Variants in KALRN observed in about 807,000 individuals in gnomAD.
KALRN encodes the protein kalirin RhoGEF kinase, also known as kalirin.
KALRN carries 70 observed loss-of-function variants against 353.7 expected under a neutral mutation model. The observed-to-expected ratio is 0.20, with a 90% CI of 0.16 to 0.24. The LOEUF (loss-of-function observed/expected upper bound fraction) is 0.24. Among genes scored for constraint, KALRN ranks in the 10% least tolerant of loss-of-function variants. KALRN has a pLI of 1.00. For missense variants in KALRN, 2,791 were observed against 3,756.7 expected (o/e 0.74, Z 6.72); for synonymous variants, 1,391 against 1,434.8 (o/e 0.97, Z 0.69).
chr3:124,564,231 A>G (rs1297199586), intron 34 of KALRN, among the ~76,000 whole-genome samples: 2 of 134,432 alleles, frequency 1.5e-5, no homozygotes, highest in East Asian at 4.4e-4. Context: ...AAAAAAAAAA[A>G]TTAGCTGGGC....
chr3:124,682,528 C>T (rs2150493859), intron 51 of KALRN, among the ~76,000 whole-genome samples: 1 of 152,324 alleles, frequency 6.6e-6, no homozygotes, highest in African/African-American at 2.4e-5. Context: ...CCAGCCCTAG[C>T]TGTGCATAGG....
chr3:124,591,351 C>T (rs759459823), intron 34 of KALRN, among the ~76,000 whole-genome samples: 14 of 152,230 alleles, frequency 9.2e-5, no homozygotes, highest in African/African-American at 2.9e-4. Context: ...TTGCCCAAGC[C>T]GGTCTTGAAC....
At chr3:124,678,414 TC>T in intron 50 of KALRN, 101 bp downstream of exon 50, 2 of 1,242,310 alleles carry the variant, frequency 1.6e-6, no homozygotes, top group South Asian at 1.4e-5. Flanking sequence ...TTTTTTTTTT[TC>T]CCAGTATGGG....
At chr3:124,210,802 A>T (rs1186986896) in intron 1 of KALRN, among the ~76,000 whole-genome samples, 1 of 152,194 alleles carries the variant, frequency 6.6e-6, no homozygotes, top group Admixed American at 6.5e-5. Flanking sequence ...ATAGATTTTG[A>T]TGGAAAGATT....
intron 10 of KALRN, among the ~76,000 whole-genome samples, chr3:124,350,747 G>A (rs2082750802): frequency 6.6e-6 from 1 of 152,166 alleles, no homozygotes; most frequent in Admixed American, 6.5e-5. Context: ...TGATAAGACT[G>A]TATTTTTTTT....
chr3:124,494,917 T>A (rs2063542955), intron 32 of KALRN, among the ~76,000 whole-genome samples: 1 of 152,182 alleles, frequency 6.6e-6, no homozygotes, highest in South Asian at 2.1e-4. Flanking sequence ...AAAAGCCCCC[T>A]GGGGAAAAGC....
intron 6 of KALRN, among the ~76,000 whole-genome samples, chr3:124,304,495 A>G (rs915815602): frequency 4.6e-5 from 7 of 152,228 alleles, no homozygotes; most frequent in African/African-American, 1.7e-4. Flanking sequence ...ATCACTTTCT[A>G]AAAGAAAACA....
chr3:124,395,401 C>T, intron 12 of KALRN, 58 bp downstream of exon 12: 1 of 1,432,626 alleles, frequency 7.0e-7, no homozygotes, highest in Non-Finnish European at 9.6e-7. Context: ...TGAGATAAGT[C>T]CTGTCCCAGT....
intron 10 of KALRN, among the ~76,000 whole-genome samples, chr3:124,355,669 C>A (rs1316486693): frequency 6.8e-6 from 1 of 146,412 alleles, no homozygotes; most frequent in African/African-American, 2.5e-5. Flanking sequence ...TACAGGCAAC[C>A]TTTTTTCCTT....
chr3:124,306,143 T>A (rs1213971877), intron 6 of KALRN, among the ~76,000 whole-genome samples: 1 of 152,018 alleles, frequency 6.6e-6, no homozygotes, highest in Non-Finnish European at 1.5e-5. Context: ...GGGACAATCA[T>A]GGCTCACTGC....
intron 28 of KALRN, 30 bp downstream of exon 28, chr3:124,482,930 C>CACTGCCT: frequency 7.0e-7 from 1 of 1,433,662 alleles, no homozygotes; most frequent in Non-Finnish European, 9.9e-7. Flanking sequence ...CATCCCCCTC[C>CACTGCCT]ACTGCCTACT....
intron 34 of KALRN, among the ~76,000 whole-genome samples, chr3:124,599,564 G>T (rs2076601919): frequency 1.3e-5 from 2 of 152,140 alleles, no homozygotes; most frequent in Non-Finnish European, 2.9e-5. Context: ...TGTTATTCAG[G>T]GTGTGCTGGC....
intron 1 of KALRN, among the ~76,000 whole-genome samples, chr3:124,101,141 C>A (rs1273697104): frequency 6.6e-6 from 1 of 152,204 alleles, no homozygotes; most frequent in Non-Finnish European, 1.5e-5. Context: ...TTTTCAATGA[C>A]TTTCTAGATA....
In KALRN at chr3:124,545,308, G is replaced by A. The variant is rs76170203; in HGVS notation, c.4936-17535G>A. Among the ~76,000 whole-genome samples the A allele has an allele frequency of 5.3e-3, 813 of 152,204 alleles. 6 individuals carry two copies. Among genetic ancestry groups the A allele is most frequent in the Middle Eastern group, 6.8e-3 (2 of 294 alleles). ...CTTATGTTCTTCCTCCTTTGCTGGCGAGCCTGAGGTCAACATTAGACCCTG... is the reference window on the plus strand; with the variant it reads ...CTTATGTTCTTCCTCCTTTGCTGGCAAGCCTGAGGTCAACATTAGACCCTG... On this transcript the variant is annotated intron_variant, in intron 33 of 59. Coordinates refer to ENST00000682506, the MANE Select transcript of KALRN (RefSeq NM_001388419.1).
chr3:124,602,035 AAAAAAAAG>A (rs1163404499), intron 34 of KALRN, among the ~76,000 whole-genome samples: 1 of 152,062 alleles, frequency 6.6e-6, no homozygotes, highest in African/African-American at 2.4e-5. Flanking sequence ...CAAAAAAAAA[AAAAAAAAG>A]AAAAGAAAAA....
intron 34 of KALRN, among the ~76,000 whole-genome samples, chr3:124,591,639 G>A (rs2075782912): frequency 6.6e-6 from 1 of 152,206 alleles, no homozygotes; most frequent in South Asian, 2.1e-4. Context: ...TTAAGACAAT[G>A]TAAGTAAAGG....
intron 1 of KALRN, among the ~76,000 whole-genome samples, chr3:124,088,918 A>C (rs1022885598): frequency 6.6e-5 from 10 of 152,194 alleles, no homozygotes; most frequent in African/African-American, 1.2e-4. Flanking sequence ...CTAGTGTGCA[A>C]GTAATTTCAT....
intron 34 of KALRN, among the ~76,000 whole-genome samples, chr3:124,598,625 C>T (rs1239870814): frequency 6.6e-6 from 1 of 151,944 alleles, no homozygotes; most frequent in Non-Finnish European, 1.5e-5. Flanking sequence ...CTGTCTCATT[C>T]ACACACGTTT....
chr3:124,713,334 G>A (rs756016694), intron 58 of KALRN, among the ~76,000 whole-genome samples, 199 bp downstream of exon 58: 1 of 152,182 alleles, frequency 6.6e-6, no homozygotes, highest in Non-Finnish European at 1.5e-5. Flanking sequence ...ATAGGAATAA[G>A]GGAAGTCCTT....
Sources: gnomAD v4.1 joint callset for allele counts (sites outside exome capture counted in the v4.1 genomes callset) on GRCh38, gnomAD v4.1.1 for gene constraint, MANE v1.5 for transcripts, NCBI Gene and HGNC (gene_info 2026-07-23, HGNC 2026-07-21) for gene names.